Variants in CADM1 observed in about 807,000 individuals in gnomAD.
The protein encoded by CADM1 is TSLC-1.
Under a neutral mutation model 53.1 loss-of-function variants are expected in CADM1, and 15 were observed. The ratio of observed to expected loss-of-function variants is 0.28; its 90% CI spans 0.19 to 0.44. The LOEUF is 0.44. Ranked by LOEUF, CADM1 falls within the 20% of genes least tolerant of loss-of-function variation. CADM1 has a pLI of 1.00. For synonymous variants in CADM1, 281 were observed against 243.0 expected, an observed-to-expected ratio of 1.16 and a Z score of -1.45; for missense variants, 434 against 611.3, an observed-to-expected ratio of 0.71 and a Z score of 3.06.
intron 3 of CADM1, among the ~76,000 whole-genome samples, chr11:115,232,838 G>A (rs531571444): frequency 5.9e-5 from 9 of 152,250 alleles, no homozygotes; most frequent in African/African-American, 1.9e-4. Flanking sequence ...AGCAAAGACA[G>A]TTCCGAGACT....
chr11:115,254,034 TGC>T (rs1253469522), intron 1 of CADM1, among the ~76,000 whole-genome samples: 1 of 152,156 alleles, frequency 6.6e-6, no homozygotes, highest in African/African-American at 2.4e-5. Flanking sequence ...TATCTTGAGG[TGC>T]AAATGAGATA....
chr11:115,263,654 T>C (rs1362239337), intron 1 of CADM1, among the ~76,000 whole-genome samples: 1 of 152,248 alleles, frequency 6.6e-6, no homozygotes, highest in Non-Finnish European at 1.5e-5. Flanking sequence ...ATACTATTAT[T>C]ACTAATATTT....
intron 1 of CADM1, among the ~76,000 whole-genome samples, chr11:115,250,529 T>C (rs778815047): frequency 6.6e-6 from 1 of 152,228 alleles, no homozygotes; most frequent in African/African-American, 2.4e-5. Context: ...GGAAAGTGGC[T>C]GCTATTCTCC....
At chr11:115,449,411 T>C (rs1222237506) in intron 1 of CADM1, among the ~76,000 whole-genome samples, 2 of 152,152 alleles carry the variant, frequency 1.3e-5, no homozygotes, top group Admixed American at 6.6e-5. Flanking sequence ...AGACAACCCT[T>C]TCCCTGCCAA....
At chr11:115,393,481 G>C (rs559282940) in intron 1 of CADM1, among the ~76,000 whole-genome samples, 1 of 150,954 alleles carries the variant, frequency 6.6e-6, no homozygotes, top group East Asian at 1.9e-4. Flanking sequence ...ACTTTTCGGG[G>C]TTGTCATTAA....
At chr11:115,412,918 T>G (rs1947494232) in intron 1 of CADM1, among the ~76,000 whole-genome samples, 1 of 152,222 alleles carries the variant, frequency 6.6e-6, no homozygotes, top group African/African-American at 2.4e-5. Flanking sequence ...CCTCAATTAC[T>G]GTTCATCTGT....
At chr11:115,336,885 C>T (rs1212289967) in intron 1 of CADM1, among the ~76,000 whole-genome samples, 2 of 152,128 alleles carry the variant, frequency 1.3e-5, no homozygotes, top group Admixed American at 6.6e-5. Context: ...TACTCTGTTG[C>T]TGTTATTATT....
chr11:115,350,266 T>C (rs963903954), intron 1 of CADM1, among the ~76,000 whole-genome samples: 3 of 152,222 alleles, frequency 2.0e-5, no homozygotes, highest in African/African-American at 7.2e-5. Context: ...CCACCGCGCC[T>C]GACCAGCCTT....
At chr11:115,341,470 A>G (rs187722320) in intron 1 of CADM1, among the ~76,000 whole-genome samples, 26 of 152,280 alleles carry the variant, frequency 1.7e-4, no homozygotes, top group African/African-American at 6.0e-4. Flanking sequence ...CCACAAGATA[A>G]CCTCTATATA....
At chr11:115,239,237 C>T (rs1942127516) in intron 2 of CADM1, among the ~76,000 whole-genome samples, 1 of 152,074 alleles carries the variant, frequency 6.6e-6, no homozygotes, top group East Asian at 1.9e-4. Flanking sequence ...AACTTATAAT[C>T]TAATAGCAAA....
chr11:115,278,742 C>T (rs1055990601), intron 1 of CADM1, among the ~76,000 whole-genome samples: 4 of 152,168 alleles, frequency 2.6e-5, no homozygotes, highest in African/African-American at 9.7e-5. Flanking sequence ...GAAGAGGTTA[C>T]TGGAGCATTG....
chr11:115,325,057 C>T (rs1017914307), intron 1 of CADM1, among the ~76,000 whole-genome samples: 12 of 152,146 alleles, frequency 7.9e-5, no homozygotes, highest in African/African-American at 2.9e-4. Context: ...TTCGTTAGAG[C>T]ATCTATTAAG....
rs1232428995 is a variant in CADM1, at chr11:115,171,930, C to T, written c.*4544G>A. On this transcript the variant is annotated 3_prime_UTR_variant, in exon 12 of 12. Transcript: ENST00000331581. ...TCCCTCTGAGTAGTGACCGCTTCTT[C>T]GTAGCCCTGGGTAACCTTCTATCGT... 1.3e-5 allele frequency: 2 copies of T among 152,366 alleles called. No individual in the cohort carries two copies. Among genetic ancestry groups the T allele is most frequent in the African/African-American group, 2.4e-5 (1 of 41,570 alleles). The allele number at this position is 152,366 out of a possible 1,614,324, so 9.4% of individuals were successfully genotyped here.
At chr11:115,204,471 C>T (rs1158089733) in intron 8 of CADM1, among the ~76,000 whole-genome samples, 1 of 152,178 alleles carries the variant, frequency 6.6e-6, no homozygotes. Flanking sequence ...TCGTGCTGTA[C>T]ATATTATGGG....
At chr11:115,268,651 A>T (rs1298188134) in intron 1 of CADM1, among the ~76,000 whole-genome samples, 2 of 152,096 alleles carry the variant, frequency 1.3e-5, no homozygotes, top group Non-Finnish European at 2.9e-5. Context: ...TTGCCTGCAG[A>T]TTTTCTTCTT....
At chr11:115,368,099 A>G (rs998842082) in intron 1 of CADM1, among the ~76,000 whole-genome samples, 7 of 113,386 alleles carry the variant, frequency 6.2e-5, no homozygotes, top group Non-Finnish European at 1.3e-4. Flanking sequence ...TGTCTTTATT[A>G]TCACTAGAGT....
chr11:115,452,695 C>G (rs1353080976), intron 1 of CADM1, among the ~76,000 whole-genome samples: 6 of 152,100 alleles, frequency 3.9e-5, no homozygotes, highest in Non-Finnish European at 8.8e-5. Flanking sequence ...AAGACCAGCA[C>G]AAAACTCAAC....
At chr11:115,452,400 C>T (rs1948594094) in intron 1 of CADM1, among the ~76,000 whole-genome samples, 1 of 152,202 alleles carries the variant, frequency 6.6e-6, no homozygotes, top group Non-Finnish European at 1.5e-5. Context: ...GCTTTATCTA[C>T]TCAGACAAGC....
At position 115,500,707 on chromosome 11, in the gene CADM1, C is replaced by T. The variant is rs551793707; in HGVS notation, c.124+3564G>A. Among the ~76,000 whole-genome samples, 6 of 152,340 alleles carry T rather than the reference C, an allele frequency of 3.9e-5. No homozygotes were observed. The South Asian group carries it at 1.0e-3, about 26-fold the overall frequency. On this transcript the variant is annotated intron_variant, in intron 1 of 11. Coordinates refer to ENST00000331581, the MANE Select transcript of CADM1 (RefSeq NM_001301043.2). ...AAAGTGACATCTCTTTCCCTTCAAC[C>T]AATATATCCTCCAACAACATCAACC...
Sources: allele counts gnomAD v4.1 joint callset (sites outside exome capture counted in the v4.1 genomes callset), GRCh38; gene constraint gnomAD v4.1.1; transcripts MANE v1.5; gene names NCBI Gene and HGNC (gene_info 2026-07-23, HGNC 2026-07-21).